The following GRM4 variants were observed in gnomAD, a reference collection of about 807,000 sequenced individuals.
GRM4 encodes metabotropic glutamate receptor 4.
Under a neutral mutation model 81.7 loss-of-function variants are expected in GRM4, and 28 were observed. That is an observed-to-expected ratio of 0.34 (90% CI 0.25 to 0.47). The LOEUF is 0.47. Among genes scored for constraint, GRM4 ranks in the 20% least tolerant of loss-of-function variants. GRM4 has a pLI of 1.00. For missense variants in GRM4, 948 were observed against 1,290.0 expected, an observed-to-expected ratio of 0.73 and a Z score of 4.06; for synonymous variants, 488 against 528.8, an observed-to-expected ratio of 0.92 and a Z score of 1.06.
At chr6:34,106,511 G>A (rs1381883972) in intron 2 of GRM4, among the ~76,000 whole-genome samples, 2 of 151,470 alleles carry the variant, frequency 1.3e-5, no homozygotes. Context: ...TACACGACCT[G>A]CACCATTAGC....
chr6:34,052,689 T>C (rs1038377249), intron 6 of GRM4, among the ~76,000 whole-genome samples: 2 of 151,682 alleles, frequency 1.3e-5, no homozygotes, highest in African/African-American at 4.8e-5. Flanking sequence ...AGGTGGAGAA[T>C]AGGTCTCGGA....
At chr6:34,052,473 C>T (rs1765664176) in intron 6 of GRM4, among the ~76,000 whole-genome samples, 1 of 152,230 alleles carries the variant, frequency 6.6e-6, no homozygotes, top group Non-Finnish European at 1.5e-5. Context: ...TGGACGGTCA[C>T]CAGGCCCATC....
In GRM4 at chr6:34,034,942, C is replaced by T. The variant is rs1225659522; in HGVS notation, c.2442+726G>A. 6.6e-6 allele frequency among the ~76,000 whole-genome samples: 1 copy of T among 152,196 alleles called. No individual in the cohort carries two copies. Among genetic ancestry groups the T allele is most frequent in the Non-Finnish European group, 1.5e-5 (1 of 68,048 alleles). On this transcript the variant is annotated intron_variant, in intron 9 of 10. Transcript: ENST00000538487. The surrounding 1 kb of genome is among the most constrained non-coding windows in gnomAD (Gnocchi z 4.0). ...CAGGTCTCTTGGGGTGTGCCCAGGT[C>T]CTCGGACCAAGCCAACAGGAGGCAG...
chr6:34,053,396 G>A (rs1478706020), intron 6 of GRM4, among the ~76,000 whole-genome samples: 1 of 152,122 alleles, frequency 6.6e-6, no homozygotes, highest in Non-Finnish European at 1.5e-5. Context: ...TCCCCCCAGG[G>A]TCTCAGGTCC....
intron 9 of GRM4, among the ~76,000 whole-genome samples, chr6:34,033,677 CTCTTTCTCTCTCTCTCTCTCTTTCTCTT>C (rs1198333435): frequency 6.8e-6 from 1 of 146,432 alleles, no homozygotes; most frequent in Admixed American, 6.8e-5. Context: ...CTCTTTCTTT[CTCTTTCTCTCTCTCTCTCTCTTTCTCTT>C]TCTTTCTCTC....
intron 3 of GRM4, among the ~76,000 whole-genome samples, chr6:34,073,979 T>C (rs2127473452): frequency 1.3e-5 from 2 of 152,268 alleles, no homozygotes; most frequent in South Asian, 4.2e-4. Flanking sequence ...GGCACGGCTA[T>C]TCATGGAGCG....
rs1766715753 is a variant in GRM4, at chr6:34,069,920, A to G, written c.737-7892T>C. The stretch of plus-strand genomic sequence containing the variant: ...CCCAGTTCTTCCCTGGCTGGACTGC[A>G]TTTATCTCCCTGGGGTCTTTCTGCC... On this transcript the variant is annotated intron_variant, in intron 3 of 10. Coordinates refer to ENST00000538487, the MANE Select transcript of GRM4 (RefSeq NM_000841.4). This position sits in a 1 kb window ranked among gnomAD's most constrained non-coding sequence, Gnocchi z 6.4. Among the ~76,000 whole-genome samples the G allele has an allele frequency of 2.0e-5, 3 of 152,044 alleles. No homozygotes were observed. The highest frequency in any genetic ancestry group is 7.2e-5 in the African/African-American group (3 of 41,398).
At chr6:34,062,624 C>G (rs532663019) in intron 3 of GRM4, 1 of 150,028 alleles carries the variant, frequency 6.7e-6, no homozygotes, top group South Asian at 2.2e-4. Flanking sequence ...ATGTGCTTCT[C>G]AGGACTCCTG....
intron 2 of GRM4, chr6:34,102,170 G>T: frequency 6.5e-7 from 1 of 1,534,510 alleles, no homozygotes; most frequent in South Asian, 1.2e-5. Context: ...CAGGGGACAG[G>T]AGCAATAATA....
chr6:34,044,727 C>T (rs1051703158), intron 6 of GRM4, among the ~76,000 whole-genome samples: 9 of 140,320 alleles, frequency 6.4e-5, no homozygotes, highest in South Asian at 2.3e-4. Context: ...CATACACACA[C>T]AGACATACAT....
At position 34,048,621 on chromosome 6, in the gene GRM4, T is replaced by C. The variant is rs1765465822; in HGVS notation, c.1169-7873A>G. Among the ~76,000 whole-genome samples the C allele has an allele frequency of 1.3e-5, 2 of 152,184 alleles. No individual in the cohort carries two copies. Among genetic ancestry groups the C allele is most frequent in the South Asian group, 4.1e-4 (2 of 4,828 alleles). The stretch of plus-strand genomic sequence containing the variant: ...TACTAGGTGACAAGGTTTGGCTCTG[T>C]GTCCCCACCCCAAATCTCACCTCGA... On this transcript the variant is annotated intron_variant, in intron 6 of 10. Coordinates refer to ENST00000538487, the MANE Select transcript of GRM4 (RefSeq NM_000841.4). This position sits in a 1 kb window ranked among gnomAD's most constrained non-coding sequence, Gnocchi z 4.0.
intron 3 of GRM4, among the ~76,000 whole-genome samples, chr6:34,088,105 G>T (rs528112043): frequency 6.6e-6 from 1 of 152,186 alleles, no homozygotes; most frequent in East Asian, 1.9e-4. Context: ...GCTCCCGCCT[G>T]TATGTGCCAG....
At chr6:34,086,055 A>G (rs1315180995) in intron 3 of GRM4, among the ~76,000 whole-genome samples, 1 of 152,240 alleles carries the variant, frequency 6.6e-6, no homozygotes, top group Non-Finnish European at 1.5e-5. Context: ...GAAGGAGGCA[A>G]GGCCAGAGAG....
At chr6:34,110,597 T>A (rs1217155397) in intron 2 of GRM4, 1 of 708,868 alleles carries the variant, frequency 1.4e-6, no homozygotes, top group Non-Finnish European at 2.4e-6. Flanking sequence ...AGGTTGTTGC[T>A]GAATATCTCA....
chr6:34,035,864 G>A lies in GRM4; in HGVS notation c.2246C>T (p.Ser749Leu), dbSNP rs747427620. 6 of 1,611,186 alleles carry A rather than the reference G, an allele frequency of 3.7e-6. No individual in the cohort carries two copies. In the South Asian group the frequency reaches 4.4e-5, roughly 12 times the overall value. ...CAGCAGGCAGATGAGCGACAGGTCCGAGATGTCACACTTGAGCACACCCCT... is the reference window on the plus strand; with the variant it reads ...CAGCAGGCAGATGAGCGACAGGTCCAAGATGTCACACTTGAGCACACCCCT... ...FARGVLKCDI[S>L]DLSLICLLGY... Residue 749 changes from serine (S) to leucine (L), a missense_variant, in exon 9 of 11, where the codon TCG (serine) becomes TTG (leucine). By Grantham distance (145) the Ser-to-Leu change is moderately radical (BLOSUM62 -2). Coordinates refer to ENST00000538487, the MANE Select transcript of GRM4 (RefSeq NM_000841.4). This position sits in a 1 kb window ranked among gnomAD's most constrained non-coding sequence, Gnocchi z 6.6.
rs527436421 is a variant in GRM4 at position 34,047,148 on chromosome 6, T to G, written c.1169-6400A>C. Among the ~76,000 whole-genome samples the G allele has an allele frequency of 6.6e-6, 1 of 152,038 alleles. No individual in the cohort carries two copies. Among genetic ancestry groups the G allele is most frequent in the Non-Finnish European group, 1.5e-5 (1 of 67,982 alleles). On this transcript the variant is annotated intron_variant, in intron 6 of 10. Coordinates refer to ENST00000538487, the MANE Select transcript of GRM4 (RefSeq NM_000841.4). The surrounding 1 kb of genome is among the most constrained non-coding windows in gnomAD (Gnocchi z 4.5). ...GAGGACTGAGGGAGATGCAACACCA[T>G]GTCTTGTGCACAGAAGTCCTCTCTC...
At chr6:34,107,257 T>C (rs560375806) in intron 2 of GRM4, among the ~76,000 whole-genome samples, 4 of 152,186 alleles carry the variant, frequency 2.6e-5, no homozygotes, top group African/African-American at 9.6e-5. Flanking sequence ...CACATACAGG[T>C]ACTCATGGTA....
chr6:34,090,303 A>C lies in GRM4; in HGVS notation c.736+1580T>G, dbSNP rs9461954. Among the ~76,000 whole-genome samples the C allele has an allele frequency of 0.01, 1,574 of 152,254 alleles. 30 individuals are homozygous for C. Among genetic ancestry groups the C allele is most frequent in the African/African-American group, 0.036 (1,496 of 41,538 alleles). ...CTAAATCCTGCAGAGGTCATGCATT[A>C]AACAGAAAAGGTAGGAGGTTGGTTT... On this transcript the variant is annotated intron_variant, in intron 3 of 10. Transcript: ENST00000538487. The surrounding 1 kb of genome is among the most constrained non-coding windows in gnomAD (Gnocchi z 5.2).
At chr6:34,072,359 C>T (rs1766958616) in intron 3 of GRM4, among the ~76,000 whole-genome samples, 2 of 149,364 alleles carry the variant, frequency 1.3e-5, no homozygotes, top group East Asian at 2.0e-4. Flanking sequence ...ACCACACACA[C>T]ATCCTTACAT....
Sources: allele counts gnomAD v4.1 joint callset (sites outside exome capture counted in the v4.1 genomes callset), GRCh38; gene constraint gnomAD v4.1.1; non-coding constraint Gnocchi (gnomAD v3.1); transcripts MANE v1.5; gene names NCBI Gene and HGNC (gene_info 2026-07-23, HGNC 2026-07-21).